TRAF3IP1: variants seen among roughly 807,000 people sequenced by gnomAD.
TRAF3IP1 encodes the protein TRAF3-interacting protein 1.
A neutral mutation model predicts 89.9 loss-of-function variants in TRAF3IP1; 53 were observed. That is an observed-to-expected ratio of 0.59 (90% CI 0.47 to 0.74). The LOEUF (loss-of-function observed/expected upper bound fraction) is 0.74. Ranked by LOEUF, TRAF3IP1 falls within the 30% of genes least tolerant of loss-of-function variation. TRAF3IP1 has a pLI of 0.00. For synonymous variants in TRAF3IP1, 311 were observed against 322.1 expected, an observed-to-expected ratio of 0.97 and a Z score of 0.37; for missense variants, 806 against 866.1, an observed-to-expected ratio of 0.93 and a Z score of 0.87.
At chr2:238,396,840 G>A (rs1289113473) in intron 15 of TRAF3IP1, among the ~76,000 whole-genome samples, 1 of 152,152 alleles carries the variant, frequency 6.6e-6, no homozygotes, top group Non-Finnish European at 1.5e-5. Flanking sequence ...GGCCAGCACA[G>A]TCACGTCTAA....
chr2:238,349,483 AG>A, intron 12 of TRAF3IP1, 75 bp downstream of exon 12: 1 of 1,436,470 alleles, frequency 7.0e-7, no homozygotes, highest in Non-Finnish European at 9.7e-7. Context: ...CGCTAAGAGA[AG>A]GGGGAGGGAA....
intron 4 of TRAF3IP1, 48 bp downstream of exon 4, chr2:238,328,877 T>A: frequency 6.3e-7 from 1 of 1,596,430 alleles, no homozygotes; most frequent in Non-Finnish European, 8.5e-7. Flanking sequence ...TGAGTCTTTT[T>A]GTAGTTTAGG....
rs1300376048 is a variant in TRAF3IP1 at position 238,351,562 on chromosome 2, G to T, written c.1452-1265G>T. Among the ~76,000 whole-genome samples the T allele has an allele frequency of 6.6e-6, 1 of 152,120 alleles. No individual in the cohort carries two copies. The highest frequency in any genetic ancestry group is 1.5e-5 in the Non-Finnish European group (1 of 68,010). On this transcript the variant is annotated intron_variant, in intron 12 of 16. Transcript: ENST00000373327. This position sits in a 1 kb window ranked among gnomAD's most constrained non-coding sequence, Gnocchi z 5.2. ...TCACGGCAGGCACAGGGGCGCAGGT[G>T]TTGAGGAGGTGGATCGTGGGCCACA...
chr2:238,358,295 A>G (rs906467519), intron 15 of TRAF3IP1, among the ~76,000 whole-genome samples: 20 of 152,010 alleles, frequency 1.3e-4, no homozygotes, highest in Non-Finnish European at 7.4e-5. Flanking sequence ...CCAGCACTTT[A>G]GGAAGCCAAG....
At chr2:238,354,620 G>GATTTT (rs893364614) in intron 14 of TRAF3IP1, among the ~76,000 whole-genome samples, 6 of 151,980 alleles carry the variant, frequency 3.9e-5, no homozygotes, top group South Asian at 2.1e-4. Context: ...AACGCTGAAG[G>GATTTT]ATTTTATTTT....
chr2:238,335,866 C>T (rs1254908908), intron 7 of TRAF3IP1, among the ~76,000 whole-genome samples: 1 of 151,414 alleles, frequency 6.6e-6, no homozygotes, highest in Non-Finnish European at 1.5e-5. Flanking sequence ...GTGGCGCAAT[C>T]ATGGCTCACT....
chr2:238,391,028 C>T (rs1334546051), intron 15 of TRAF3IP1, among the ~76,000 whole-genome samples: 1 of 152,188 alleles, frequency 6.6e-6, no homozygotes, highest in African/African-American at 2.4e-5. Flanking sequence ...AGTCTTGGCT[C>T]ACTGCAACCT....
intron 7 of TRAF3IP1, among the ~76,000 whole-genome samples, chr2:238,336,051 C>T (rs2106374316): frequency 1.3e-5 from 2 of 152,230 alleles, no homozygotes; most frequent in Admixed American, 1.3e-4. Context: ...CTCAGCCTCC[C>T]AAAGTGCTGG....
intron 1 of TRAF3IP1, among the ~76,000 whole-genome samples, chr2:238,324,829 T>C (rs7570632): frequency 0.12 from 17,818 of 151,872 alleles, 1,783 homozygotes; most frequent in African/African-American, 0.27. Context: ...GTCTCGATCT[T>C]CTGACCTTGT....
chr2:238,380,515 T>C (rs1001444182), intron 15 of TRAF3IP1, among the ~76,000 whole-genome samples: 9 of 152,148 alleles, frequency 5.9e-5, no homozygotes, highest in Non-Finnish European at 1.0e-4. Flanking sequence ...ATAGGAAACA[T>C]GCACTGCTGC....
In TRAF3IP1 at chr2:238,382,463, G is replaced by T. The variant is rs562559598; in HGVS notation, c.1690-14996G>T. ...TCCAGAAAAATTTCACGATTGTAAA[G>T]GAAACATTGCAACAGAAGAACTTTA... On this transcript the variant is annotated intron_variant, in intron 15 of 16. Coordinates refer to ENST00000373327, the MANE Select transcript of TRAF3IP1 (RefSeq NM_015650.4). Among the ~76,000 whole-genome samples the T allele has an allele frequency of 1.2e-4, 19 of 152,322 alleles. No homozygotes were observed. In the South Asian group the frequency reaches 3.1e-3, roughly 25 times the overall value.
intron 15 of TRAF3IP1, among the ~76,000 whole-genome samples, chr2:238,390,884 C>T (rs931430549): frequency 5.9e-5 from 9 of 152,118 alleles, no homozygotes; most frequent in Admixed American, 3.9e-4. Flanking sequence ...CTGCTGCCCC[C>T]GAATCCTCCT....
At chr2:238,324,329 A>G (rs1040771540) in intron 1 of TRAF3IP1, among the ~76,000 whole-genome samples, 2 of 152,210 alleles carry the variant, frequency 1.3e-5, no homozygotes, top group African/African-American at 4.8e-5. Flanking sequence ...CGGCCTCCCA[A>G]AGTGCTGGGA....
At chr2:238,328,106 G>A (rs755591329) in intron 3 of TRAF3IP1, among the ~76,000 whole-genome samples, 6 of 152,194 alleles carry the variant, frequency 3.9e-5, no homozygotes, top group Non-Finnish European at 8.8e-5. Context: ...ATACCCAGAA[G>A]GGGAATTATT....
At chr2:238,367,163 CAAAAAAAAAAA>C (rs33964253) in intron 15 of TRAF3IP1, among the ~76,000 whole-genome samples, 1 of 36,144 alleles carries the variant, frequency 2.8e-5, no homozygotes, top group African/African-American at 1.4e-4. Context: ...GACTCTGTCT[CAAAAAAAAAAA>C]AAAAAAAAAA....
At chr2:238,390,096 C>T (rs538871800) in intron 15 of TRAF3IP1, among the ~76,000 whole-genome samples, 2 of 152,220 alleles carry the variant, frequency 1.3e-5, no homozygotes, top group African/African-American at 2.4e-5. Context: ...GTCTTTAGCC[C>T]GCAGGAAAAG....
chr2:238,369,804 G>A (rs139886159), intron 15 of TRAF3IP1, among the ~76,000 whole-genome samples: 7 of 152,288 alleles, frequency 4.6e-5, no homozygotes, highest in East Asian at 1.9e-4. Context: ...GAAGTACCCT[G>A]TGCTTCACTA....
At chr2:238,353,444 G>A (rs1423282462) in intron 14 of TRAF3IP1, among the ~76,000 whole-genome samples, 1 of 152,176 alleles carries the variant, frequency 6.6e-6, no homozygotes, top group Non-Finnish European at 1.5e-5. Context: ...TTGGAAGCTG[G>A]AAACTCACTG....
intron 15 of TRAF3IP1, among the ~76,000 whole-genome samples, chr2:238,375,405 A>G (rs1478902197): frequency 6.6e-6 from 1 of 152,158 alleles, no homozygotes; most frequent in Non-Finnish European, 1.5e-5. Flanking sequence ...GTCATTCAGG[A>G]GCAGGTTGTT....
Sources: gnomAD v4.1 joint callset for allele counts (sites outside exome capture counted in the v4.1 genomes callset) on GRCh38, gnomAD v4.1.1 for gene constraint, Gnocchi (gnomAD v3.1) non-coding constraint, MANE v1.5 for transcripts, NCBI Gene and HGNC (gene_info 2026-07-23, HGNC 2026-07-21) for gene names.